HSD17B3: variants seen among roughly 807,000 people sequenced by gnomAD.
HSD17B3 encodes the protein 17-beta-hydroxysteroid dehydrogenase type 3.
In HSD17B3, 29 loss-of-function variants were observed where a neutral mutation model predicts 41.1. That is an observed-to-expected ratio of 0.71 (90% CI 0.53 to 0.96). The LOEUF (loss-of-function observed/expected upper bound fraction) is 0.96, where lower values mean the gene tolerates loss of function less well. Among genes scored for constraint, HSD17B3 ranks in the 40% least tolerant of loss-of-function variants. HSD17B3 has a pLI of 0.00. For missense variants in HSD17B3, 323 were observed against 374.6 expected (o/e 0.86, Z 1.14); for synonymous variants, 126 against 145.6 (o/e 0.87, Z 0.97).
Position 96,246,601 on chromosome 9 carries a change from A to G in HSD17B3, c.490-11T>C. On this transcript the variant is annotated splice_polypyrimidine_tract_variant and intron_variant, in intron 6 of 10. Transcript: ENST00000375263. The stretch of plus-strand genomic sequence containing the variant: ...AATTAGCTGTGTCATCTACAAGAGA[A>G]GGCCAAAGGTAAGCCCGACAAGGAA... 6.2e-7 allele frequency: 1 copy of G among 1,613,954 alleles called. No homozygotes were observed. The highest frequency in any genetic ancestry group is 8.5e-7 in the Non-Finnish European group (1 of 1,179,834).
intron 2 of HSD17B3, among the ~76,000 whole-genome samples, chr9:96,287,661 G>C (rs1826977084): frequency 6.6e-6 from 1 of 152,044 alleles, no homozygotes; most frequent in African/African-American, 2.4e-5. Flanking sequence ...AGTGAGCTGA[G>C]ATCACACCAC....
chr9:96,249,913 G>A, intron 5 of HSD17B3, 127 bp from the exon 6 acceptor site: 1 of 1,571,530 alleles, frequency 6.4e-7, no homozygotes, highest in Non-Finnish European at 8.6e-7. Context: ...CACTCACCCT[G>A]CAAATTAGGC....
At chr9:96,242,003 A>AAG (rs368774669) in intron 9 of HSD17B3, among the ~76,000 whole-genome samples, 7 of 135,566 alleles carry the variant, frequency 5.2e-5, no homozygotes, top group South Asian at 2.4e-4. Context: ...GAAAGAAAGA[A>AAG]AGAGAAAGAA....
intron 2 of HSD17B3, among the ~76,000 whole-genome samples, chr9:96,272,405 CTATATATATATATATATATATA>C (rs1199705437): frequency 2.3e-4 from 5 of 21,550 alleles, no homozygotes; most frequent in South Asian, 1.8e-3. Flanking sequence ...CTCTCTCTCT[CTATATATATATATATATATATA>C]TATATATATA....
intron 2 of HSD17B3, among the ~76,000 whole-genome samples, chr9:96,285,028 G>A (rs9657644): frequency 0.36 from 53,884 of 151,654 alleles, 9,776 homozygotes; most frequent in Middle Eastern, 0.46. Flanking sequence ...TAGTAGAGAC[G>A]GGGTTTCACC....
chr9:96,281,978 G>T (rs1362320960), intron 2 of HSD17B3, among the ~76,000 whole-genome samples: 10 of 152,184 alleles, frequency 6.6e-5, no homozygotes, highest in Non-Finnish European at 4.4e-5. Flanking sequence ...GATTTGTGAG[G>T]CTAGTCGTAA....
chr9:96,274,223 G>A (rs1022884696), intron 2 of HSD17B3, among the ~76,000 whole-genome samples: 4 of 152,198 alleles, frequency 2.6e-5, no homozygotes, highest in African/African-American at 7.2e-5. Flanking sequence ...TGGATCACCT[G>A]AAGTCAGGAG....
At chr9:96,243,425 G>T (rs553474914) in intron 9 of HSD17B3, among the ~76,000 whole-genome samples, 152 of 152,280 alleles carry the variant, frequency 1.0e-3, no homozygotes, top group African/African-American at 3.5e-3. Flanking sequence ...ACTCATATCT[G>T]CCTACTTAAT....
chr9:96,300,209 G>GAC (rs55707445), intron 1 of HSD17B3, among the ~76,000 whole-genome samples: 15,476 of 116,122 alleles, frequency 0.13, 1,314 homozygotes, highest in African/African-American at 0.21. Context: ...ACCCCAAGAG[G>GAC]ACACACACAC....
intron 2 of HSD17B3, among the ~76,000 whole-genome samples, chr9:96,257,244 C>A (rs1201802316): frequency 1.3e-5 from 2 of 152,166 alleles, no homozygotes; most frequent in African/African-American, 4.8e-5. Context: ...CGATAAAAAT[C>A]TCTGGGGTGG....
chr9:96,277,027 C>T lies in HSD17B3; in HGVS notation c.201+21389G>A, dbSNP rs533042441. Among the ~76,000 whole-genome samples, 5 of 152,214 alleles carry T rather than the reference C, an allele frequency of 3.3e-5. 1 individual carries two copies. The East Asian group carries it at 9.7e-4, about 29-fold the overall frequency. The stretch of plus-strand genomic sequence containing the variant: ...CCATCCTGGCTAACACAGTGAAACC[C>T]TGTCTCTACTAAAAAGACAAAAAAT... On this transcript the variant is annotated intron_variant, in intron 2 of 10. Transcript: ENST00000375263.
chr9:96,287,818 C>A (rs8190512), intron 2 of HSD17B3, among the ~76,000 whole-genome samples: 72,498 of 150,488 alleles, frequency 0.48, 18,344 homozygotes, highest in East Asian at 0.66. Context: ...AGAAAAGTGT[C>A]CACACAAAAA....
chr9:96,296,970 G>C (rs1014656062), intron 2 of HSD17B3, among the ~76,000 whole-genome samples: 1 of 152,012 alleles, frequency 6.6e-6, no homozygotes, highest in East Asian at 1.9e-4. Context: ...AGGAGGTCAA[G>C]GCTGCAGTAA....
chr9:96,280,538 A>T (rs1826651825), intron 2 of HSD17B3, among the ~76,000 whole-genome samples: 2 of 152,188 alleles, frequency 1.3e-5, no homozygotes, highest in African/African-American at 4.8e-5. Context: ...CAAACTGAGT[A>T]ATTTGGAGAG....
In HSD17B3 at chr9:96,287,047, C is replaced by A. The variant is rs532270686; in HGVS notation, c.201+11369G>T. On this transcript the variant is annotated intron_variant, in intron 2 of 10. Transcript: ENST00000375263. ...CTCTCTTGGGGTCTGGATCAGGACC[C>A]CTTTCCTGTAACAACCAGGGGCCTG... Among the ~76,000 whole-genome samples, 3 of 152,276 alleles carry A rather than the reference C, an allele frequency of 2.0e-5. No individual in the cohort carries two copies. The East Asian group carries it at 5.8e-4, about 29-fold the overall frequency.
intron 2 of HSD17B3, chr9:96,256,281 T>A (rs1330956901): frequency 2.6e-5 from 4 of 152,214 alleles, no homozygotes; most frequent in African/African-American, 9.6e-5. Context: ...GTTCTCTGTA[T>A]GGTTCCAATT....
intron 2 of HSD17B3, among the ~76,000 whole-genome samples, chr9:96,277,775 C>T (rs1442934314): frequency 1.3e-5 from 2 of 151,158 alleles, no homozygotes; most frequent in Admixed American, 6.6e-5. Context: ...GTACTATTCA[C>T]AATAGCCAAG....
At chr9:96,271,987 C>G (rs947567543) in intron 2 of HSD17B3, among the ~76,000 whole-genome samples, 2 of 151,752 alleles carry the variant, frequency 1.3e-5, no homozygotes, top group African/African-American at 2.4e-5. Flanking sequence ...AATTTTATAC[C>G]CCCATTACTT....
chr9:96,235,810 AT>A (rs202107501), intron 10 of HSD17B3, among the ~76,000 whole-genome samples: 25 of 151,134 alleles, frequency 1.7e-4, no homozygotes, highest in African/African-American at 6.1e-4. Flanking sequence ...AGCCCTAAGG[AT>A]TTTTTTTTCT....
Sources: gnomAD v4.1 joint callset for allele counts (sites outside exome capture counted in the v4.1 genomes callset) on GRCh38, gnomAD v4.1.1 for gene constraint, MANE v1.5 for transcripts, NCBI Gene and HGNC (gene_info 2026-07-23, HGNC 2026-07-21) for gene names.